The following CTNNA3 variants were observed in gnomAD, a reference collection of about 807,000 sequenced individuals.
CTNNA3 encodes catenin alpha-3.
A neutral mutation model predicts 95.7 loss-of-function variants in CTNNA3; 76 were observed. That is an observed-to-expected ratio of 0.79 (90% CI 0.66 to 0.96). CTNNA3 has a LOEUF of 0.96. Ranked by LOEUF, CTNNA3 falls within the 40% of genes least tolerant of loss-of-function variation. The pLI, the probability that CTNNA3 is intolerant of heterozygous loss-of-function variation, is 0.00. For missense variants in CTNNA3, 1,191 were observed against 1,089.8 expected, an observed-to-expected ratio of 1.09 and a Z score of -1.31; for synonymous variants, 431 against 374.4, an observed-to-expected ratio of 1.15 and a Z score of -1.74.
intron 5 of CTNNA3, among the ~76,000 whole-genome samples, chr10:67,344,141 A>T (rs1842325137): frequency 6.6e-6 from 1 of 151,784 alleles, no homozygotes; most frequent in Non-Finnish European, 1.5e-5. Flanking sequence ...TATCACATTG[A>T]TTGTTTCATG....
chr10:67,371,010 G>T (rs1452874709), intron 5 of CTNNA3, among the ~76,000 whole-genome samples: 1 of 149,702 alleles, frequency 6.7e-6, no homozygotes. Flanking sequence ...GGGACTACAG[G>T]CGCCCGCCGC....
rs181559485 is a variant in CTNNA3, at chr10:67,693,893, T to C, written c.-6+2107A>G. On this transcript the variant is annotated intron_variant, in intron 1 of 17. Transcript: ENST00000433211. ...CTACCATAGCCACGCCTAATTCCATTCTCATGTTTTCCCTATAGAAAAACC... is the reference window on the plus strand; with the variant it reads ...CTACCATAGCCACGCCTAATTCCATCCTCATGTTTTCCCTATAGAAAAACC... Among the ~76,000 whole-genome samples, 56 of 152,298 alleles carry C rather than the reference T, an allele frequency of 3.7e-4. No individual in the cohort carries two copies. In the East Asian group the frequency reaches 7.1e-3, roughly 19 times the overall value.
At chr10:66,300,021 T>C (rs574784188) in intron 12 of CTNNA3, among the ~76,000 whole-genome samples, 159 of 151,960 alleles carry the variant, frequency 1.0e-3, no homozygotes, top group African/African-American at 3.4e-3. Flanking sequence ...GCCTCCCGAG[T>C]AGCTGGGACT....
At chr10:66,088,063 A>C (rs1858883447) in intron 14 of CTNNA3, among the ~76,000 whole-genome samples, 1 of 152,058 alleles carries the variant, frequency 6.6e-6, no homozygotes, top group Admixed American at 6.6e-5. Context: ...TCTAGATAGT[A>C]AACTTATAGA....
chr10:66,428,101 T>A (rs1297996562), intron 11 of CTNNA3, among the ~76,000 whole-genome samples: 2 of 151,980 alleles, frequency 1.3e-5, no homozygotes, highest in Non-Finnish European at 1.5e-5. Flanking sequence ...GGGGTTGCAA[T>A]CCTAGTCTCT....
intron 3 of CTNNA3, among the ~76,000 whole-genome samples, chr10:67,567,177 T>C (rs1841835410): frequency 7.1e-6 from 1 of 140,402 alleles, no homozygotes; most frequent in South Asian, 2.2e-4. Flanking sequence ...ATAATAATAA[T>C]AAAATAAAAA....
At chr10:67,069,792 T>C (rs1856332674) in intron 7 of CTNNA3, among the ~76,000 whole-genome samples, 1 of 152,158 alleles carries the variant, frequency 6.6e-6, no homozygotes, top group African/African-American at 2.4e-5. Context: ...TTCTACTGTA[T>C]GAATATTCAA....
At chr10:66,553,003 A>G (rs1842267984) in intron 10 of CTNNA3, among the ~76,000 whole-genome samples, 8 of 152,064 alleles carry the variant, frequency 5.3e-5, no homozygotes, top group Admixed American at 4.6e-4. Context: ...TGACATTAAT[A>G]TGTTTTTATG....
chr10:67,753,440 G>A (rs1011234973), intron 1 of CTNNA3, among the ~76,000 whole-genome samples: 4 of 152,054 alleles, frequency 2.6e-5, no homozygotes, highest in Non-Finnish European at 5.9e-5. Flanking sequence ...AAAAGCAATT[G>A]CAACAAAAGC....
chr10:67,476,574 T>C (rs1013524569), intron 5 of CTNNA3, among the ~76,000 whole-genome samples: 2 of 150,578 alleles, frequency 1.3e-5, no homozygotes, highest in Non-Finnish European at 3.0e-5. Flanking sequence ...ATTGAAGCAC[T>C]TGCTTGCCTG....
At chr10:66,748,435 A>G (rs998723833) in intron 9 of CTNNA3, among the ~76,000 whole-genome samples, 2 of 152,176 alleles carry the variant, frequency 1.3e-5, no homozygotes, top group Non-Finnish European at 2.9e-5. Flanking sequence ...CTGCTTTCCT[A>G]GGTATATTTT....
chr10:66,770,704 A>C (rs1840053336), intron 8 of CTNNA3, among the ~76,000 whole-genome samples: 1 of 152,096 alleles, frequency 6.6e-6, no homozygotes, highest in Admixed American at 6.6e-5. Context: ...TTCCCACCAA[A>C]TAAAGGAACA....
chr10:67,067,412 T>C (rs1285289946), intron 7 of CTNNA3, among the ~76,000 whole-genome samples: 3 of 152,182 alleles, frequency 2.0e-5, no homozygotes, highest in African/African-American at 7.2e-5. Context: ...TTCCCTTATC[T>C]AATGCTGCAA....
At chr10:67,537,969 T>TAA (rs367823492) in intron 4 of CTNNA3, among the ~76,000 whole-genome samples, 3 of 145,820 alleles carry the variant, frequency 2.1e-5, no homozygotes, top group African/African-American at 5.0e-5. Context: ...CTACTTAAAC[T>TAA]AAAAAAAAAA....
At position 67,484,060 on chromosome 10, in the gene CTNNA3, AT is replaced by A. The variant is rs570502448; in HGVS notation, c.579+37781del. On this transcript the variant is annotated intron_variant, in intron 5 of 17. Coordinates refer to ENST00000433211, the MANE Select transcript of CTNNA3 (RefSeq NM_013266.4). ...AATAGAATAAAGCCAGAGGCATCAC[AT>A]TACCCAACTTCAAACTATACTCTAA... Among the ~76,000 whole-genome samples the A allele has an allele frequency of 2.1e-3, 326 of 152,306 alleles. 2 individuals are homozygous for A. Among genetic ancestry groups the A allele is most frequent in the African/African-American group, 7.5e-3 (311 of 41,562 alleles).
chr10:66,502,230 G>A (rs10997198), intron 11 of CTNNA3, among the ~76,000 whole-genome samples: 4,380 of 152,124 alleles, frequency 0.029, 205 homozygotes, highest in African/African-American at 0.1. Flanking sequence ...AAGAATATAG[G>A]ATAATCACAA....
chr10:66,983,264 C>A (rs1183116830), intron 7 of CTNNA3, among the ~76,000 whole-genome samples: 1 of 152,126 alleles, frequency 6.6e-6, no homozygotes, highest in East Asian at 1.9e-4. Context: ...CCCCTCCCAG[C>A]CATGTTCCTC....
At chr10:67,592,325 G>A (rs1842814351) in intron 3 of CTNNA3, among the ~76,000 whole-genome samples, 1 of 152,070 alleles carries the variant, frequency 6.6e-6, no homozygotes, top group African/African-American at 2.4e-5. Flanking sequence ...TTGCTGAACT[G>A]CTGGAGCAAA....
At chr10:65,965,481 T>C (rs995556172) in intron 17 of CTNNA3, among the ~76,000 whole-genome samples, 1 of 142,362 alleles carries the variant, frequency 7.0e-6, no homozygotes, top group African/African-American at 2.6e-5. Context: ...CTCGGCTAAC[T>C]GAAACTTCCA....
Sources: gnomAD v4.1 joint callset for allele counts (sites outside exome capture counted in the v4.1 genomes callset) on GRCh38, gnomAD v4.1.1 for gene constraint, MANE v1.5 for transcripts, NCBI Gene and HGNC (gene_info 2026-07-23, HGNC 2026-07-21) for gene names.